The following EVI5 variants were observed in gnomAD, a reference collection of about 807,000 sequenced individuals.
The protein encoded by EVI5 is ecotropic viral integration site 5 protein homolog.
Under a neutral mutation model 112.0 loss-of-function variants are expected in EVI5, and 73 were observed. That is an observed-to-expected ratio of 0.65 (90% confidence interval 0.54 to 0.79). The LOEUF (loss-of-function observed/expected upper bound fraction) is 0.79, where lower values mean the gene tolerates loss of function less well. Ranked by LOEUF, EVI5 falls within the 30% of genes least tolerant of loss-of-function variation. The pLI is 0.00. For missense variants in EVI5, 900 were observed against 968.8 expected (o/e 0.93, Z 0.94); for synonymous variants, 305 against 319.9 (o/e 0.95, Z 0.50).
At chr1:92,560,180 TG>T (rs1304803655) in intron 19 of EVI5, among the ~76,000 whole-genome samples, 3 of 152,202 alleles carry the variant, frequency 2.0e-5, no homozygotes, top group African/African-American at 7.2e-5. Flanking sequence ...GAATAAATCA[TG>T]GTATATTTAT....
chr1:92,638,556 A>G (rs570628548), intron 13 of EVI5, among the ~76,000 whole-genome samples: 2 of 152,202 alleles, frequency 1.3e-5, no homozygotes, highest in African/African-American at 4.8e-5. Context: ...AATTTATTCT[A>G]TTTTCCACAG....
intron 1 of EVI5, among the ~76,000 whole-genome samples, chr1:92,744,592 TCTCTCTCTCACA>T (rs1558189018): frequency 2.0e-4 from 3 of 14,848 alleles, no homozygotes; most frequent in African/African-American, 5.2e-4. Flanking sequence ...AATATCTCTC[TCTCTCTCTCACA>T]CACACACACA....
At chr1:92,547,449 A>G (rs1665932429) in intron 19 of EVI5, among the ~76,000 whole-genome samples, 1 of 152,250 alleles carries the variant, frequency 6.6e-6, no homozygotes, top group Admixed American at 6.5e-5. Flanking sequence ...CTAGAGAAGC[A>G]AGAGCAAACA....
chr1:92,644,927 G>T lies in EVI5; in HGVS notation c.1393-8591C>A, dbSNP rs571623541. Among the ~76,000 whole-genome samples, 3 of 152,254 alleles carry T rather than the reference G, an allele frequency of 2.0e-5. No homozygotes were observed. The East Asian group carries it at 5.8e-4, about 29-fold the overall frequency. On this transcript the variant is annotated intron_variant, in intron 13 of 19. Coordinates refer to ENST00000684568, the MANE Select transcript of EVI5 (RefSeq NM_001350197.2). ...TTGATAAAGTTCCTTTTAAGGCCCA[G>T]AATATGTTCTATCTTCATAAATCTT...
intron 18 of EVI5, among the ~76,000 whole-genome samples, chr1:92,589,517 G>A (rs946709857): frequency 2.0e-5 from 3 of 152,140 alleles, no homozygotes; most frequent in Non-Finnish European, 4.4e-5. Context: ...CTCGCTCATT[G>A]CTAGCACAGC....
intron 1 of EVI5, among the ~76,000 whole-genome samples, chr1:92,757,529 T>G (rs960281312): frequency 2.0e-5 from 3 of 152,074 alleles, no homozygotes; most frequent in Admixed American, 2.0e-4. Context: ...TCTACATAAC[T>G]TCCTATTATA....
At chr1:92,751,933 T>C (rs1263820257) in intron 1 of EVI5, among the ~76,000 whole-genome samples, 1 of 151,758 alleles carries the variant, frequency 6.6e-6, no homozygotes, top group East Asian at 1.9e-4. Context: ...GGAGAGTTGC[T>C]TGAACCCAGG....
Position 92,709,131 on chromosome 1 carries a change from T to C in EVI5, c.150-4387A>G, listed in dbSNP as rs189589850. Among the ~76,000 whole-genome samples, 9 of 152,250 alleles carry C rather than the reference T, an allele frequency of 5.9e-5. 1 individual carries two copies. In the Middle Eastern group the frequency reaches 0.01, roughly 173 times the overall value. ...GTATATGAATATCTGAATAAAGCCA[T>C]TATACAAAAAAGAACAGGTAGAAGA... On this transcript the variant is annotated intron_variant, in intron 2 of 19. Coordinates refer to ENST00000684568, the MANE Select transcript of EVI5 (RefSeq NM_001350197.2).
intron 10 of EVI5, among the ~76,000 whole-genome samples, chr1:92,675,948 T>G (rs1327820311): frequency 1.4e-5 from 2 of 143,834 alleles, no homozygotes; most frequent in African/African-American, 2.6e-5. Context: ...ACAGCGAGAC[T>G]TCGTCTCAAA....
At chr1:92,514,084 G>C (rs1237706872) in intron 19 of EVI5, 114 bp from the exon 20 acceptor site, 1 of 603,428 alleles carries the variant, frequency 1.7e-6, no homozygotes, top group African/African-American at 1.9e-5. Context: ...CTATTTACAG[G>C]TATAATCATA....
intron 16 of EVI5, among the ~76,000 whole-genome samples, chr1:92,623,556 G>A (rs1655020681): frequency 6.6e-6 from 1 of 152,150 alleles, no homozygotes; most frequent in Non-Finnish European, 1.5e-5. Context: ...AGAATTTATT[G>A]GAGAAAAGAG....
intron 19 of EVI5, among the ~76,000 whole-genome samples, chr1:92,528,787 A>G (rs1426589714): frequency 1.3e-5 from 2 of 152,190 alleles, no homozygotes; most frequent in Non-Finnish European, 2.9e-5. Context: ...GAGATGAGAG[A>G]GAGAGTGTGG....
At chr1:92,567,581 T>C (rs1201942627) in intron 18 of EVI5, among the ~76,000 whole-genome samples, 3 of 152,040 alleles carry the variant, frequency 2.0e-5, no homozygotes, top group Non-Finnish European at 2.9e-5. Flanking sequence ...ACATGTTGTA[T>C]AGGTTTGTAG....
At chr1:92,723,431 AAATT>A (rs1463373802) in intron 2 of EVI5, among the ~76,000 whole-genome samples, 1 of 152,208 alleles carries the variant, frequency 6.6e-6, no homozygotes, top group Non-Finnish European at 1.5e-5. Flanking sequence ...TCAGTTCCCA[AAATT>A]AATACTTTGA....
At chr1:92,735,977 C>T (rs1021570906) in intron 2 of EVI5, among the ~76,000 whole-genome samples, 2 of 150,532 alleles carry the variant, frequency 1.3e-5, no homozygotes, top group African/African-American at 4.9e-5. Flanking sequence ...CTATTTAATA[C>T]CATTAGGAGA....
At chr1:92,757,416 G>A (rs751968128) in intron 1 of EVI5, among the ~76,000 whole-genome samples, 4 of 151,332 alleles carry the variant, frequency 2.6e-5, no homozygotes, top group Non-Finnish European at 5.9e-5. Flanking sequence ...TTATTCTACA[G>A]TTTTGAGTTT....
At chr1:92,575,329 A>G (rs1670893870) in intron 18 of EVI5, among the ~76,000 whole-genome samples, 1 of 152,174 alleles carries the variant, frequency 6.6e-6, no homozygotes, top group Admixed American at 6.5e-5. Context: ...TTACTACCGT[A>G]TATTTCATCA....
chr1:92,555,431 T>A (rs948573502), intron 19 of EVI5, among the ~76,000 whole-genome samples: 2 of 152,236 alleles, frequency 1.3e-5, no homozygotes, highest in African/African-American at 4.8e-5. Flanking sequence ...AGTAGACTAT[T>A]GTTATCAATG....
At chr1:92,605,621 T>C (rs1178956573) in intron 17 of EVI5, among the ~76,000 whole-genome samples, 3 of 152,156 alleles carry the variant, frequency 2.0e-5, no homozygotes, top group African/African-American at 7.2e-5. Flanking sequence ...TGGCCATATA[T>C]CAATTCAAAT....
Sources: allele counts gnomAD v4.1 joint callset (sites outside exome capture counted in the v4.1 genomes callset), GRCh38; gene constraint gnomAD v4.1.1; transcripts MANE v1.5; gene names NCBI Gene and HGNC (gene_info 2026-07-23, HGNC 2026-07-21).